Variants in DENND1B observed in about 807,000 individuals in gnomAD.
DENND1B encodes the protein DENN domain containing 1B, also known as DENN domain-containing protein 1B.
In DENND1B, 59 loss-of-function variants were observed where a neutral mutation model predicts 90.1. The observed-to-expected ratio is 0.65, with a 90% CI of 0.53 to 0.81. The LOEUF is 0.81. Ranked by LOEUF, DENND1B falls within the 40% of genes least tolerant of loss-of-function variation. The pLI is 0.00. For missense variants in DENND1B, 862 were observed against 912.6 expected (o/e 0.94, Z 0.71); for synonymous variants, 337 against 324.6 (o/e 1.04, Z -0.41).
intron 2 of DENND1B, among the ~76,000 whole-genome samples, chr1:197,722,241 A>G (rs572297201): frequency 5.0e-4 from 76 of 152,246 alleles, no homozygotes; most frequent in African/African-American, 1.6e-3. Context: ...TTATATATGG[A>G]TAGAAACTTT....
At chr1:197,582,953 A>C (rs1484134149) in intron 15 of DENND1B, among the ~76,000 whole-genome samples, 199 bp downstream of exon 15, 1 of 152,190 alleles carries the variant, frequency 6.6e-6, no homozygotes, top group Non-Finnish European at 1.5e-5. Flanking sequence ...TTTGATGAGA[A>C]ATTTTTAATA....
intron 15 of DENND1B, among the ~76,000 whole-genome samples, chr1:197,577,974 AAT>A (rs1204099905): frequency 6.6e-6 from 1 of 152,222 alleles, no homozygotes; most frequent in Admixed American, 6.5e-5. Flanking sequence ...AAACATTAAA[AAT>A]ATATATGTTT....
intron 4 of DENND1B, among the ~76,000 whole-genome samples, chr1:197,673,426 T>G (rs1008806139): frequency 1.3e-5 from 2 of 152,062 alleles, no homozygotes; most frequent in African/African-American, 4.8e-5. Flanking sequence ...TTTAGCGAAG[T>G]ATTTTCCTAA....
At chr1:197,723,011 AC>A (rs1661320165) in intron 2 of DENND1B, among the ~76,000 whole-genome samples, 1 of 152,324 alleles carries the variant, frequency 6.6e-6, no homozygotes, top group African/African-American at 2.4e-5. Flanking sequence ...CCTTAAAAAA[AC>A]AATTTGGATA....
intron 15 of DENND1B, among the ~76,000 whole-genome samples, chr1:197,569,614 C>T (rs529461146): frequency 8.6e-4 from 130 of 150,874 alleles, no homozygotes; most frequent in African/African-American, 2.9e-3. Flanking sequence ...ACTATTAACC[C>T]TTTATAAAGA....
chr1:197,588,014 T>C (rs1674859728), intron 14 of DENND1B, among the ~76,000 whole-genome samples: 1 of 152,050 alleles, frequency 6.6e-6, no homozygotes, highest in Admixed American at 6.6e-5. Flanking sequence ...CAAGCAGTAA[T>C]GTGAGCCATG....
chr1:197,657,602 T>C lies in DENND1B; in HGVS notation c.366+698A>G, dbSNP rs1177849553. Among the ~76,000 whole-genome samples, 3 of 152,016 alleles carry C rather than the reference T, an allele frequency of 2.0e-5. No homozygotes were observed. In the East Asian group the frequency reaches 5.8e-4, roughly 29 times the overall value. Reference sequence around the variant, plus strand: ...AAGAAAAGAGCGAGTATTGGCAAGATTGTGAGGGAAACGGAACCCTTGTAC... The same window carrying C: ...AAGAAAAGAGCGAGTATTGGCAAGACTGTGAGGGAAACGGAACCCTTGTAC... On this transcript the variant is annotated intron_variant, in intron 6 of 22. Coordinates refer to ENST00000620048, the MANE Select transcript of DENND1B (RefSeq NM_001195215.2).
At chr1:197,539,925 G>A in intron 20 of DENND1B, 39 bp downstream of exon 20, 1 of 1,438,840 alleles carries the variant, frequency 7.0e-7, no homozygotes, top group Non-Finnish European at 9.7e-7. Context: ...TATATAATTT[G>A]AGAATGTGGG....
rs78200217 is a variant in DENND1B, at chr1:197,727,838, T to C, written c.83-12764A>G. Among the ~76,000 whole-genome samples the C allele has an allele frequency of 8.5e-3, 1,291 of 152,316 alleles. 20 individuals are homozygous for C. The highest frequency in any genetic ancestry group is 0.029 in the African/African-American group (1,187 of 41,572). The stretch of plus-strand genomic sequence containing the variant: ...CTAAAAAAAGACACATCCTTTTATA[T>C]TCTACACATATACAGGGACTGCTCC... On this transcript the variant is annotated intron_variant, in intron 2 of 22. Coordinates refer to ENST00000620048, the MANE Select transcript of DENND1B (RefSeq NM_001195215.2).
intron 15 of DENND1B, among the ~76,000 whole-genome samples, chr1:197,565,986 G>A (rs1174947615): frequency 1.3e-5 from 2 of 151,572 alleles, no homozygotes; most frequent in African/African-American, 4.8e-5. Context: ...ATGATTTATA[G>A]TCCTTTGGGT....
rs1667986744 is a variant in DENND1B, at chr1:197,510,956, G to A, written c.1832C>T (p.Pro611Leu). The A allele has an allele frequency of 2.0e-6, 3 of 1,520,408 alleles. No homozygotes were observed. Among genetic ancestry groups the A allele is most frequent in the African/African-American group, 1.4e-5 (1 of 71,352 alleles). The allele number at this position is 1,520,408 out of a possible 1,614,324, so 94.2% of individuals were successfully genotyped here. A position where few individuals can be genotyped will look rare whatever the true frequency, so the allele number is the denominator to read the frequency against. Residue 611 changes from proline to leucine, a missense_variant, in exon 23 of 23, where the codon CCT (proline) becomes CTT (leucine). Coordinates refer to ENST00000620048, the MANE Select transcript of DENND1B (RefSeq NM_001195215.2). The part of the protein sequence containing the change: ...DYKPTNKSNA[P>L]SENNLAFLCG... ...GAGGAAAGCCAGGTTATTCTCACTA[G>A]GAGCATTAGATTTATTCTGAAAAAA...
chr1:197,771,598 G>T (rs894149170), intron 2 of DENND1B, among the ~76,000 whole-genome samples: 2 of 152,148 alleles, frequency 1.3e-5, no homozygotes, highest in African/African-American at 4.8e-5. Flanking sequence ...ACTAAAATTA[G>T]CCATGCCCAT....
intron 13 of DENND1B, among the ~76,000 whole-genome samples, chr1:197,596,590 A>G (rs1251764632): frequency 6.6e-6 from 1 of 151,946 alleles, no homozygotes; most frequent in Non-Finnish European, 1.5e-5. Context: ...TTTTAGGTAT[A>G]TATGTGCATA....
chr1:197,684,758 T>C (rs1572321944), intron 3 of DENND1B, among the ~76,000 whole-genome samples: 1 of 152,178 alleles, frequency 6.6e-6, no homozygotes, highest in African/African-American at 2.4e-5. Flanking sequence ...AATAGACTTA[T>C]AAATAAGAGC....
chr1:197,734,013 A>G (rs1268904782), intron 2 of DENND1B: 8 of 830,748 alleles, frequency 9.6e-6, no homozygotes, highest in Non-Finnish European at 1.2e-5. Flanking sequence ...AAAAAATTAC[A>G]AGAAATTATA....
intron 15 of DENND1B, among the ~76,000 whole-genome samples, chr1:197,576,756 A>T (rs1673722008): frequency 6.6e-6 from 1 of 152,164 alleles, no homozygotes; most frequent in Non-Finnish European, 1.5e-5. Flanking sequence ...AGTTTGAGAA[A>T]TACACATTTT....
At chr1:197,522,120 G>A (rs1258747129) in intron 20 of DENND1B, among the ~76,000 whole-genome samples, 1 of 152,042 alleles carries the variant, frequency 6.6e-6, no homozygotes. Flanking sequence ...TAAGGCAAGT[G>A]GTAGTTTCAG....
chr1:197,737,723 A>T (rs1414086521), intron 2 of DENND1B, among the ~76,000 whole-genome samples: 1 of 152,188 alleles, frequency 6.6e-6, no homozygotes, highest in East Asian at 1.9e-4. Flanking sequence ...ACAGGTAGGG[A>T]AGCCTCAAGA....
chr1:197,779,554 T>C (rs566115743), upstream of DENND1B, among the ~76,000 whole-genome samples: 19 of 152,194 alleles, frequency 1.2e-4, no homozygotes, highest in African/African-American at 4.6e-4. Flanking sequence ...AAACATCTCT[T>C]TTATAGTATG....
Sources: gnomAD v4.1 joint callset for allele counts (sites outside exome capture counted in the v4.1 genomes callset) on GRCh38, gnomAD v4.1.1 for gene constraint, MANE v1.5 for transcripts, NCBI Gene and HGNC (gene_info 2026-07-23, HGNC 2026-07-21) for gene names.